ERBB4: variants seen among roughly 807,000 people sequenced by gnomAD.
ERBB4 encodes the protein receptor tyrosine-protein kinase erbB-4.
In ERBB4, 42 loss-of-function variants were observed where a neutral mutation model predicts 158.0. The ratio of observed to expected loss-of-function variants is 0.27; its 90% CI spans 0.21 to 0.34. ERBB4 has a LOEUF of 0.34. ERBB4 is among the 10% of genes least tolerant of loss of function. The pLI is 1.00. For missense variants in ERBB4, 1,333 were observed against 1,624.1 expected (o/e 0.82, Z 3.08); for synonymous variants, 583 against 558.7 (o/e 1.04, Z -0.61).
intron 1 of ERBB4, among the ~76,000 whole-genome samples, chr2:212,211,904 A>T (rs6719708): frequency 0.031 from 4,743 of 151,632 alleles, 245 homozygotes; most frequent in African/African-American, 0.11. Context: ...ATTTCTTTTT[A>T]TGGCAACATA....
At chr2:211,407,923 A>T (rs1015525199) in intron 25 of ERBB4, among the ~76,000 whole-genome samples, 3 of 152,162 alleles carry the variant, frequency 2.0e-5, no homozygotes, top group African/African-American at 4.8e-5. Context: ...CATCTTCTCC[A>T]TTCTGTTTCA....
At chr2:212,210,829 A>G (rs1255554192) in intron 1 of ERBB4, among the ~76,000 whole-genome samples, 2 of 152,088 alleles carry the variant, frequency 1.3e-5, no homozygotes, top group African/African-American at 4.8e-5. Context: ...TAATGTATTG[A>G]AGGCTCTTGG....
intron 1 of ERBB4, among the ~76,000 whole-genome samples, chr2:212,152,330 C>T (rs1053668684): frequency 2.6e-5 from 4 of 152,070 alleles, no homozygotes; most frequent in Non-Finnish European, 4.4e-5. Context: ...ATAAAATATT[C>T]TACATAAAGT....
At chr2:211,412,810 C>T (rs369268731) in intron 25 of ERBB4, among the ~76,000 whole-genome samples, 21 of 151,636 alleles carry the variant, frequency 1.4e-4, no homozygotes, top group South Asian at 4.2e-4. Flanking sequence ...AAAAATTAGC[C>T]GAGTGTGGTG....
intron 1 of ERBB4, among the ~76,000 whole-genome samples, chr2:212,125,851 T>C (rs2079909017): frequency 6.6e-6 from 1 of 152,222 alleles, no homozygotes; most frequent in Non-Finnish European, 1.5e-5. Context: ...CCATGTCTTT[T>C]CTATTGGGAA....
chr2:211,461,162 G>A (rs1401640659), intron 20 of ERBB4, among the ~76,000 whole-genome samples: 1 of 151,822 alleles, frequency 6.6e-6, no homozygotes, highest in Non-Finnish European at 1.5e-5. Context: ...AAATTCATCT[G>A]TGTCATTGGA....
rs13415457 is a variant in ERBB4, at chr2:211,597,087, C to A, written c.2301+22090G>T. 9.9e-4 allele frequency among the ~76,000 whole-genome samples: 150 copies of A among 152,094 alleles called. 2 individuals are homozygous for A. Among genetic ancestry groups the A allele is most frequent in the African/African-American group, 3.5e-3 (144 of 41,472 alleles). On this transcript the variant is annotated intron_variant, in intron 19 of 27. Transcript: ENST00000342788. ...AGCCCCACTTACTCACTCTATCGAG[C>A]GAGTATTTTTATTCACTTGTTATTT...
intron 1 of ERBB4, among the ~76,000 whole-genome samples, chr2:212,254,140 G>T (rs2084639165): frequency 6.6e-6 from 1 of 150,470 alleles, no homozygotes; most frequent in African/African-American, 2.5e-5. Context: ...TATATTCCTA[G>T]AAGACCATAT....
intron 3 of ERBB4, among the ~76,000 whole-genome samples, chr2:211,844,165 A>C (rs574904796): frequency 2.6e-5 from 4 of 152,282 alleles, no homozygotes; most frequent in Non-Finnish European, 5.9e-5. Context: ...TAGATGAATG[A>C]ACACATACGT....
At chr2:212,404,116 G>C (rs960824216) in intron 1 of ERBB4, among the ~76,000 whole-genome samples, 1 of 151,886 alleles carries the variant, frequency 6.6e-6, no homozygotes, top group African/African-American at 2.4e-5. Context: ...TTATTCACAC[G>C]AGCCATGAGG....
At chr2:211,541,466 C>T (rs910048663) in intron 20 of ERBB4, among the ~76,000 whole-genome samples, 8 of 151,824 alleles carry the variant, frequency 5.3e-5, no homozygotes, top group African/African-American at 1.9e-4. Flanking sequence ...TTTTTATACC[C>T]AGAAAGACAG....
chr2:211,878,064 C>T (rs1010951737), intron 3 of ERBB4, among the ~76,000 whole-genome samples: 5 of 152,158 alleles, frequency 3.3e-5, no homozygotes, highest in African/African-American at 4.8e-5. Context: ...GCCTAGATCA[C>T]GCCACTGCCC....
At chr2:211,603,345 G>A (rs1490748370) in intron 19 of ERBB4, among the ~76,000 whole-genome samples, 2 of 152,046 alleles carry the variant, frequency 1.3e-5, no homozygotes, top group Non-Finnish European at 2.9e-5. Context: ...AAGAGAATTC[G>A]AGTCATACAC....
At chr2:212,130,471 T>C (rs537813868) in intron 1 of ERBB4, among the ~76,000 whole-genome samples, 2 of 152,150 alleles carry the variant, frequency 1.3e-5, no homozygotes, top group East Asian at 1.9e-4. Flanking sequence ...CATAAAAAGG[T>C]TGGTTAACAG....
intron 1 of ERBB4, among the ~76,000 whole-genome samples, chr2:212,522,119 A>T (rs1346850199): frequency 6.6e-6 from 1 of 151,996 alleles, no homozygotes; most frequent in African/African-American, 2.4e-5. Context: ...AAATGTTGAT[A>T]TTTAGACTAT....
At chr2:212,468,390 T>C (rs1343495605) in intron 1 of ERBB4, among the ~76,000 whole-genome samples, 2 of 152,092 alleles carry the variant, frequency 1.3e-5, no homozygotes, top group African/African-American at 4.8e-5. Context: ...TGGAAGATGA[T>C]TGAATCATGG....
At chr2:212,407,466 C>T (rs2091379007) in intron 1 of ERBB4, among the ~76,000 whole-genome samples, 1 of 151,972 alleles carries the variant, frequency 6.6e-6, no homozygotes, top group Non-Finnish European at 1.5e-5. Context: ...TCTAAGGTTA[C>T]AAAGCTAGTA....
At chr2:212,030,796 GC>G (rs912567815) in intron 2 of ERBB4, among the ~76,000 whole-genome samples, 2 of 152,174 alleles carry the variant, frequency 1.3e-5, no homozygotes, top group Non-Finnish European at 2.9e-5. Flanking sequence ...ATTTCTGGCT[GC>G]CCCAATTGTA....
At chr2:212,357,480 G>A (rs1052508093) in intron 1 of ERBB4, among the ~76,000 whole-genome samples, 5 of 151,596 alleles carry the variant, frequency 3.3e-5, no homozygotes, top group African/African-American at 4.8e-5. Flanking sequence ...ATGGTAAATA[G>A]GCAAAAGGTA....
Sources: allele counts gnomAD v4.1 joint callset (sites outside exome capture counted in the v4.1 genomes callset), GRCh38; gene constraint gnomAD v4.1.1; transcripts MANE v1.5; gene names NCBI Gene and HGNC (gene_info 2026-07-23, HGNC 2026-07-21).